The following ATP10B variants were observed in gnomAD, a reference collection of about 807,000 sequenced individuals.
ATP10B encodes the protein ATPase phospholipid transporting 10B (putative).
ATP10B carries 122 observed loss-of-function variants against 141.2 expected under a neutral mutation model. The ratio of observed to expected loss-of-function variants is 0.86; its 90% confidence interval spans 0.75 to 1.00. The LOEUF (loss-of-function observed/expected upper bound fraction) is 1.00. Ranked by LOEUF, ATP10B falls within the 50% of genes least tolerant of loss-of-function variation. ATP10B has a pLI of 0.00. For synonymous variants in ATP10B, 685 were observed against 692.0 expected (o/e 0.99, Z 0.16); for missense variants, 1,876 against 1,825.3 (o/e 1.03, Z -0.51).
chr5:160,699,453 T>C (rs1037610735), intron 3 of ATP10B, among the ~76,000 whole-genome samples: 2 of 152,166 alleles, frequency 1.3e-5, no homozygotes, highest in Non-Finnish European at 2.9e-5. Flanking sequence ...ATAGTACACA[T>C]TGACTGGCTC....
At chr5:160,899,836 G>T in the ATP10B span, among the ~76,000 whole-genome samples, 1 of 152,096 alleles carries the variant, frequency 6.6e-6, no homozygotes, top group South Asian at 2.1e-4. Context: ...CTGATTCTGG[G>T]AATTCTGGAA....
At chr5:160,650,151 CATATAT>C (rs1210194291) in intron 7 of ATP10B, among the ~76,000 whole-genome samples, 65 of 148,528 alleles carry the variant, frequency 4.4e-4, no homozygotes, top group African/African-American at 1.6e-3. Flanking sequence ...CACACACATA[CATATAT>C]ATACATATAT....
chr5:160,792,753 G>A (rs1012225333), intron 1 of ATP10B, among the ~76,000 whole-genome samples: 4 of 152,110 alleles, frequency 2.6e-5, no homozygotes, highest in African/African-American at 9.7e-5. Context: ...TAGTCTCCAG[G>A]GTAGCAGTTT....
At chr5:160,857,004 A>G (rs1754015946), upstream of ATP10B, among the ~76,000 whole-genome samples, 1 of 151,886 alleles carries the variant, frequency 6.6e-6, no homozygotes, top group Middle Eastern at 3.4e-3. Flanking sequence ...ATATTCATGA[A>G]GGCTTTGGGT....
At chr5:160,707,335 C>G (rs1007764058) in intron 3 of ATP10B, among the ~76,000 whole-genome samples, 1 of 152,212 alleles carries the variant, frequency 6.6e-6, no homozygotes, top group African/African-American at 2.4e-5. Context: ...AGTGGGATCC[C>G]CCAAATCTAG....
chr5:160,923,202 A>G, the ATP10B span, among the ~76,000 whole-genome samples: 7 of 152,310 alleles, frequency 4.6e-5, no homozygotes, highest in East Asian at 1.2e-3. Context: ...ACATGTCCTC[A>G]GTATTAGCTT....
At chr5:160,586,038 G>T (rs911681324) in intron 24 of ATP10B, among the ~76,000 whole-genome samples, 3 of 152,152 alleles carry the variant, frequency 2.0e-5, no homozygotes, top group Non-Finnish European at 4.4e-5. Flanking sequence ...GTATACATGT[G>T]CCATGGTGGT....
intron 2 of ATP10B, among the ~76,000 whole-genome samples, chr5:160,724,950 T>C (rs1766232672): frequency 6.6e-6 from 1 of 152,244 alleles, no homozygotes; most frequent in Non-Finnish European, 1.5e-5. Flanking sequence ...TGCTTTCCAC[T>C]ACTAGCATGT....
At chr5:160,853,555 A>G (rs1753904357), upstream of ATP10B, among the ~76,000 whole-genome samples, 1 of 152,116 alleles carries the variant, frequency 6.6e-6, no homozygotes, top group African/African-American at 2.4e-5. Flanking sequence ...GCTCTTTCCC[A>G]TTATCACTTT....
At chr5:160,666,408 C>G (rs1040934475) in intron 7 of ATP10B, among the ~76,000 whole-genome samples, 8 of 152,100 alleles carry the variant, frequency 5.3e-5, no homozygotes, top group African/African-American at 1.9e-4. Flanking sequence ...AGTGGTAGCC[C>G]ACCCCTCCTA....
At position 160,612,799 on chromosome 5, in the gene ATP10B, TG is replaced by T; in HGVS notation, c.2779del (p.His927IlefsTer6). ...DKQETAVNIA[H>X]SCRLLNQTDT... ...GGTCTGATTTAACAGTCTGCAGGAATGGGCAATGTTGACCGCTGTCTCCTGC... is the reference window on the plus strand; with the variant it reads ...GGTCTGATTTAACAGTCTGCAGGAATGGCAATGTTGACCGCTGTCTCCTGC... On this transcript the variant is annotated frameshift_variant, in exon 18 of 26. Coordinates refer to ENST00000327245, the MANE Select transcript of ATP10B (RefSeq NM_025153.3). LOFTEE classifies it high-confidence loss of function. The T allele has an allele frequency of 1.2e-6, 2 of 1,614,092 alleles. No individual in the cohort carries two copies. The highest frequency in any genetic ancestry group is 1.7e-6 in the Non-Finnish European group (2 of 1,179,990).
intron 2 of ATP10B, among the ~76,000 whole-genome samples, chr5:160,776,147 A>G (rs956453275): frequency 6.6e-6 from 1 of 152,218 alleles, no homozygotes; most frequent in Non-Finnish European, 1.5e-5. Flanking sequence ...ATTTGATGGT[A>G]TCATATCAGG....
chr5:160,683,722 T>G (rs1363097812), intron 6 of ATP10B, among the ~76,000 whole-genome samples: 1 of 152,146 alleles, frequency 6.6e-6, no homozygotes, highest in Admixed American at 6.5e-5. Flanking sequence ...GAAGTCAAGC[T>G]CTTACCTGCT....
chr5:160,772,335 C>A (rs1424182309), intron 2 of ATP10B, among the ~76,000 whole-genome samples: 1 of 152,146 alleles, frequency 6.6e-6, no homozygotes, highest in Non-Finnish European at 1.5e-5. Context: ...GGTTTATGTG[C>A]CAGGTTGACT....
chr5:160,811,459 G>T (rs530935365), intron 1 of ATP10B, among the ~76,000 whole-genome samples: 2 of 152,036 alleles, frequency 1.3e-5, no homozygotes, highest in Admixed American at 6.5e-5. Flanking sequence ...TACTTGGAAG[G>T]GTGATTCCCA....
At chr5:160,586,054 G>A (rs1299587984) in intron 24 of ATP10B, among the ~76,000 whole-genome samples, 1 of 152,148 alleles carries the variant, frequency 6.6e-6, no homozygotes, top group Non-Finnish European at 1.5e-5. Flanking sequence ...GTGGTTTGCT[G>A]CATCTATCAA....
At chr5:160,759,064 A>AC (rs1467525155) in intron 2 of ATP10B, among the ~76,000 whole-genome samples, 68 of 152,112 alleles carry the variant, frequency 4.5e-4, no homozygotes, top group Admixed American at 4.5e-3. Flanking sequence ...CCACAAAAAA[A>AC]TATTATATGA....
intron 24 of ATP10B, among the ~76,000 whole-genome samples, chr5:160,588,796 T>C (rs1415078369): frequency 1.3e-5 from 2 of 152,178 alleles, no homozygotes; most frequent in Non-Finnish European, 2.9e-5. Flanking sequence ...GCTATTAGTT[T>C]TTATAGTTAT....
At chr5:160,657,003 A>G (rs1257734659) in intron 7 of ATP10B, among the ~76,000 whole-genome samples, 1 of 152,184 alleles carries the variant, frequency 6.6e-6, no homozygotes, top group Non-Finnish European at 1.5e-5. Flanking sequence ...AATACCAAGG[A>G]GAGCCACCAC....
Sources: gnomAD v4.1 joint callset for allele counts (sites outside exome capture counted in the v4.1 genomes callset) on GRCh38, gnomAD v4.1.1 for gene constraint, MANE v1.5 for transcripts, NCBI Gene and HGNC (gene_info 2026-07-23, HGNC 2026-07-21) for gene names.